Variants in IFI44 observed in about 807,000 individuals in gnomAD.
IFI44 encodes interferon induced protein 44.
Under a neutral mutation model 45.0 loss-of-function variants are expected in IFI44, and 42 were observed. The ratio of observed to expected loss-of-function variants is 0.93; its 90% CI spans 0.73 to 1.21. IFI44 has a LOEUF of 1.21. IFI44 is among the 50% of genes most tolerant of loss of function. The pLI is 0.00. For synonymous variants in IFI44, 221 were observed against 188.6 expected (o/e 1.17, Z -1.41); for missense variants, 623 against 525.8 (o/e 1.18, Z -1.81).
At chr1:78,655,332 T>A in intron 4 of IFI44, 30 bp from the exon 5 acceptor site, 1 of 1,570,580 alleles carries the variant, frequency 6.4e-7, no homozygotes, top group Non-Finnish European at 8.6e-7. Flanking sequence ...AAAAAATGAA[T>A]CTTTAAAATT....
intron 2 of IFI44, among the ~76,000 whole-genome samples, chr1:78,652,633 T>A (rs1235303236): frequency 6.6e-6 from 1 of 152,246 alleles, no homozygotes. Flanking sequence ...TTCACCCTTA[T>A]TTTTGTACGT....
At chr1:78,660,431 G>A (rs1174295810) in intron 6 of IFI44, 123 bp from the exon 7 acceptor site, 4 of 685,252 alleles carry the variant, frequency 5.8e-6, no homozygotes, top group Non-Finnish European at 9.9e-6. Context: ...GGGTGACCGG[G>A]GTGTGGGGGA....
intron 7 of IFI44, among the ~76,000 whole-genome samples, chr1:78,661,667 C>T (rs561162972): frequency 4.0e-5 from 6 of 151,626 alleles, no homozygotes; most frequent in Non-Finnish European, 7.4e-5. Context: ...AGATTATGTA[C>T]GATTGAGTGT....
Position 78,663,769 on chromosome 1 carries a change from T to G in IFI44, c.1293T>G (p.Asn431Lys). 1 of 1,611,996 alleles carries G rather than the reference T, an allele frequency of 6.2e-7. No individual in the cohort carries two copies. The highest frequency in any genetic ancestry group is 1.1e-5 in the South Asian group (1 of 90,684). ...ATTTTGTGTTTCTTTTCTCAGGGAA[T>G]CTAAGGGAGGAAATTATCAACTGTG... ...LEDLPFEQIG[N>K]LREEIINCAQ... The change falls in exon 9 of 9, where the codon AAT (asparagine) becomes AAG (lysine). Residue 431 changes from asparagine (N) to lysine (K), a missense_variant. By Grantham distance (94) the Asn-to-Lys change is moderately conservative (BLOSUM62 0). Coordinates refer to ENST00000370747, the MANE Select transcript of IFI44 (RefSeq NM_006417.5).
chr1:78,663,352 A>G (rs1647582229), intron 8 of IFI44: 2 of 985,288 alleles, frequency 2.0e-6, no homozygotes, highest in Non-Finnish European at 2.4e-6. Context: ...TTCATGCAGT[A>G]TGGTCATTGC....
At chr1:78,656,980 T>A (rs1647226212) in intron 5 of IFI44, among the ~76,000 whole-genome samples, 1 of 151,854 alleles carries the variant, frequency 6.6e-6, no homozygotes, top group Admixed American at 6.6e-5. Flanking sequence ...ACAGCCAATC[T>A]CGTTTTATCT....
rs917391991 is a variant in IFI44 at position 78,654,961 on chromosome 1, A to C, written c.495-53A>C. On this transcript the variant is annotated intron_variant, in intron 3 of 8. Coordinates refer to ENST00000370747, the MANE Select transcript of IFI44 (RefSeq NM_006417.5). ...ATGAATTCTCAGAAAATTTATAATA[A>C]GGTTTTGCGACCTAACCTCAGTCAA... is the stretch of plus-strand genomic sequence containing the variant. The C allele has an allele frequency of 4.7e-6, 6 of 1,277,498 alleles. No individual in the cohort carries two copies. In the African/African-American group the frequency reaches 9.2e-5, roughly 19 times the overall value. The allele number at this position is 1,277,498 out of a possible 1,614,324, so 79.1% of individuals were successfully genotyped here.
intron 2 of IFI44, among the ~76,000 whole-genome samples, chr1:78,652,785 T>G (rs1416674715): frequency 6.6e-6 from 1 of 152,242 alleles, no homozygotes; most frequent in Non-Finnish European, 1.5e-5. Flanking sequence ...ATTATTATTG[T>G]ACTTATCTTT....
In IFI44 at chr1:78,663,018, C is replaced by T. The variant is rs1161398063; in HGVS notation, c.1288+140C>T. On this transcript the variant is annotated intron_variant, in intron 8 of 8. Transcript: ENST00000370747. Reference sequence around the variant, plus strand: ...ATTAGTTCTGCTTTTTAACCCACTCCCTGGATGCATTTTTCCCTCCTTGCA... The same window carrying T: ...ATTAGTTCTGCTTTTTAACCCACTCTCTGGATGCATTTTTCCCTCCTTGCA... The T allele has an allele frequency of 7.2e-6, 11 of 1,517,900 alleles. No homozygotes were observed. In the African/African-American group the frequency reaches 8.4e-5, roughly 12 times the overall value. 94.0% of individuals were successfully genotyped at this position (1,517,900 alleles called of 1,614,324 possible).
At chr1:78,659,021 C>G (rs562897123) in intron 5 of IFI44, among the ~76,000 whole-genome samples, 1 of 152,074 alleles carries the variant, frequency 6.6e-6, no homozygotes, top group African/African-American at 2.4e-5. Flanking sequence ...GATTGCCTCT[C>G]TTATCTAGAA....
At chr1:78,655,553 T>G in intron 5 of IFI44, 42 bp downstream of exon 5, 1 of 1,520,160 alleles carries the variant, frequency 6.6e-7, no homozygotes, top group Non-Finnish European at 9.0e-7. Context: ...ATTTTTAAAA[T>G]GCTTATTTTT....
intron 5 of IFI44, among the ~76,000 whole-genome samples, chr1:78,656,176 C>A (rs1011224237): frequency 2.0e-5 from 3 of 152,146 alleles, no homozygotes; most frequent in Non-Finnish European, 4.4e-5. Flanking sequence ...GTTGTTTAAG[C>A]ACCCGATCTG....
intron 3 of IFI44, among the ~76,000 whole-genome samples, chr1:78,654,502 A>G (rs1647176641): frequency 1.3e-5 from 2 of 152,228 alleles, no homozygotes; most frequent in South Asian, 4.1e-4. Context: ...TTGAAGAAAA[A>G]TAATTACTTG....
At position 78,660,578 on chromosome 1, in the gene IFI44, C is replaced by T. The variant is rs1181659963; in HGVS notation, c.1037C>T (p.Thr346Ile). ...NAGVVHVALL[T>I]HVDSMDLITK... ...GGTGTGGTACATGTGGCTTTGCTCA[C>T]TCATGTGGATAGCATGGATTTGATT... is the stretch of plus-strand genomic sequence containing the variant. Residue 346 changes from threonine to isoleucine, a missense_variant, in exon 7 of 9, where the codon ACT (threonine) becomes ATT (isoleucine). Coordinates refer to ENST00000370747, the MANE Select transcript of IFI44 (RefSeq NM_006417.5). 2 of 1,613,406 alleles carry T rather than the reference C, an allele frequency of 1.2e-6. No individual in the cohort carries two copies. The highest frequency in any genetic ancestry group is 1.7e-6 in the Non-Finnish European group (2 of 1,179,604).
chr1:78,654,388 G>A, intron 3 of IFI44, 109 bp downstream of exon 3: 6 of 604,500 alleles, frequency 9.9e-6, no homozygotes, highest in South Asian at 2.1e-5. Flanking sequence ...CATAACTTGT[G>A]GATCATCAAG....
chr1:78,660,845 C>T lies in IFI44; in HGVS notation c.1113+191C>T, dbSNP rs949950399. The T allele has an allele frequency of 3.5e-5, 20 of 579,284 alleles. No homozygotes were observed. In the African/African-American group the frequency reaches 3.7e-4, roughly 11 times the overall value. 35.9% of individuals were successfully genotyped at this position (579,284 alleles called of 1,614,324 possible). On this transcript the variant is annotated intron_variant, in intron 7 of 8. Transcript: ENST00000370747. ...CCTTGGTATTTGCAGGGGATTAGTTCCAGGACTTTGCATTGTTACCAAAAT... is the reference window on the plus strand; with the variant it reads ...CCTTGGTATTTGCAGGGGATTAGTTTCAGGACTTTGCATTGTTACCAAAAT...
intron 6 of IFI44, among the ~76,000 whole-genome samples, chr1:78,660,331 G>A (rs115184117): frequency 6.6e-6 from 1 of 152,024 alleles, no homozygotes; most frequent in South Asian, 2.1e-4. Context: ...GGCCTCATTT[G>A]TTACCATTGA....
chr1:78,657,101 A>G (rs1344580753), intron 5 of IFI44, among the ~76,000 whole-genome samples: 1 of 151,992 alleles, frequency 6.6e-6, no homozygotes, highest in Non-Finnish European at 1.5e-5. Context: ...GAGCATATAT[A>G]TATTTCTCCT....
At chr1:78,660,404 G>GT (rs1647379988) in intron 6 of IFI44, 150 bp from the exon 7 acceptor site, 1 of 587,280 alleles carries the variant, frequency 1.7e-6, no homozygotes, top group Non-Finnish European at 3.0e-6. Flanking sequence ...GTCCAGGGGA[G>GT]TTTTTTGGGG....
Sources: allele counts gnomAD v4.1 joint callset (sites outside exome capture counted in the v4.1 genomes callset), GRCh38; gene constraint gnomAD v4.1.1; transcripts MANE v1.5; gene names NCBI Gene and HGNC (gene_info 2026-07-23, HGNC 2026-07-21).